The following COLEC10 variants were observed in gnomAD, a reference collection of about 807,000 sequenced individuals.
COLEC10 encodes the protein collectin-10.
COLEC10 carries 22 observed loss-of-function variants against 28.4 expected under a neutral mutation model. That is an observed-to-expected ratio of 0.78 (90% CI 0.55 to 1.11). The LOEUF (loss-of-function observed/expected upper bound fraction) is 1.11. Ranked by LOEUF, COLEC10 falls within the 50% of genes least tolerant of loss-of-function variation. The probability of loss-of-function intolerance (pLI) is 0.00; values close to 1 mark genes in which losing one functional copy is unlikely to be tolerated. For missense variants in COLEC10, 361 were observed against 344.1 expected, an observed-to-expected ratio of 1.05 and a Z score of -0.39; for synonymous variants, 125 against 116.1, an observed-to-expected ratio of 1.08 and a Z score of -0.49.
At chr8:119,080,311 G>A (rs1388642889) in intron 1 of COLEC10, among the ~76,000 whole-genome samples, 3 of 152,128 alleles carry the variant, frequency 2.0e-5, no homozygotes, top group Non-Finnish European at 4.4e-5. Context: ...ATTGGCCAAC[G>A]AACAAACAAG....
Position 119,106,247 on chromosome 8 carries a change from T to G in COLEC10, c.*56T>G. ...CTGTGACCGTCATTACAGTTATTGT[T>G]ATCCATCCTTTTTTTCCTGATTGTA... is the stretch of plus-strand genomic sequence containing the variant. On this transcript the variant is annotated 3_prime_UTR_variant, in exon 6 of 6. Coordinates refer to ENST00000332843, the MANE Select transcript of COLEC10 (RefSeq NM_006438.5). 6.6e-7 allele frequency: 1 copy of G among 1,518,918 alleles called. No homozygotes were observed. The highest frequency in any genetic ancestry group is 1.3e-5 in the South Asian group (1 of 78,292). The allele number at this position is 1,518,918 out of a possible 1,614,324, so 94.1% of individuals were successfully genotyped here. A position where few individuals can be genotyped will look rare whatever the true frequency, so the allele number is the denominator to read the frequency against.
intron 2 of COLEC10, among the ~76,000 whole-genome samples, chr8:119,026,547 C>T (rs929660962): frequency 1.3e-5 from 2 of 152,054 alleles, no homozygotes; most frequent in Non-Finnish European, 2.9e-5. Flanking sequence ...CAAAAACAAC[C>T]ATGGTTTTAG....
At chr8:119,040,645 T>C (rs542178049) in intron 2 of COLEC10, among the ~76,000 whole-genome samples, 2 of 152,298 alleles carry the variant, frequency 1.3e-5, no homozygotes, top group African/African-American at 4.8e-5. Context: ...TTGGGTCCTT[T>C]GCAGGAAGAC....
intron 3 of COLEC10, among the ~76,000 whole-genome samples, chr8:119,092,066 ATTTTT>A (rs34152820): frequency 8.0e-6 from 1 of 124,468 alleles, no homozygotes; most frequent in Non-Finnish European, 1.7e-5. Flanking sequence ...TCTTGTCCTA[ATTTTT>A]TTTTTTTTTT....
At chr8:119,027,272 T>C (rs1288524788) in intron 2 of COLEC10, among the ~76,000 whole-genome samples, 1 of 152,166 alleles carries the variant, frequency 6.6e-6, no homozygotes, top group Non-Finnish European at 1.5e-5. Context: ...TCAAAAGATA[T>C]AACCTTGGAC....
chr8:119,043,199 T>C (rs998452736), intron 2 of COLEC10, among the ~76,000 whole-genome samples: 2 of 152,218 alleles, frequency 1.3e-5, no homozygotes, highest in Admixed American at 1.3e-4. Flanking sequence ...TGTTTCTGTT[T>C]CTTATCCACC....
chr8:119,089,681 A>G lies in COLEC10; in HGVS notation c.150A>G (p.Gly50=). The G allele has an allele frequency of 6.2e-7, 1 of 1,612,704 alleles. No individual in the cohort carries two copies. The highest frequency in any genetic ancestry group is 8.5e-7 in the Non-Finnish European group (1 of 1,178,928). Reference sequence around the variant, plus strand: ...CTATCTCATTTTCTGTTTCAAAAGGAGATGATGGTGAAAAAGGAGATCCAG... The same window carrying G: ...CTATCTCATTTTCTGTTTCAAAAGGGGATGATGGTGAAAAAGGAGATCCAG... ...ATHTISPGPK[G]DDGEKGDPGE... The change falls in exon 2 of 6, where the codon GGA becomes GGG. Residue 50 remains glycine, a splice_region_variant and synonymous_variant. Coordinates refer to ENST00000332843, the MANE Select transcript of COLEC10 (RefSeq NM_006438.5).
the COLEC10 span, among the ~76,000 whole-genome samples, chr8:118,955,455 T>C: frequency 6.6e-6 from 1 of 152,204 alleles, no homozygotes; most frequent in African/African-American, 2.4e-5. Flanking sequence ...TAGGGGTAAG[T>C]AGTTGCTACT....
intron 1 of COLEC10, among the ~76,000 whole-genome samples, chr8:119,076,601 C>G (rs1815242815): frequency 6.6e-6 from 1 of 152,202 alleles, no homozygotes; most frequent in South Asian, 2.1e-4. Context: ...TTATTATTAT[C>G]TGCATTCAAG....
At chr8:119,049,401 CTTTTTTTTTTTTTTT>C (rs34885340) in intron 2 of COLEC10, among the ~76,000 whole-genome samples, 9 of 60,072 alleles carry the variant, frequency 1.5e-4, no homozygotes, top group East Asian at 1.3e-3. Context: ...ATTTTCTTTT[CTTTTTTTTTTTTTTT>C]TTTTTTTTTT....
At chr8:118,999,974 T>C (rs1329334951) in intron 1 of COLEC10, among the ~76,000 whole-genome samples, 1 of 152,116 alleles carries the variant, frequency 6.6e-6, no homozygotes, top group Admixed American at 6.6e-5. Flanking sequence ...TTTTAAATGA[T>C]AGGTGATATG....
At chr8:118,983,126 T>C in the COLEC10 span, among the ~76,000 whole-genome samples, 351 of 152,310 alleles carry the variant, frequency 2.3e-3, 3 homozygotes, top group African/African-American at 8.1e-3. Context: ...AACTTAGCAG[T>C]ATTTTGGTGT....
chr8:119,056,050 C>A (rs574560691), intron 2 of COLEC10, among the ~76,000 whole-genome samples: 24 of 152,138 alleles, frequency 1.6e-4, no homozygotes, highest in African/African-American at 5.3e-4. Flanking sequence ...GTAAATGACA[C>A]CGCATCCAAT....
At chr8:119,034,047 G>GTATAC (rs1326917977) in intron 2 of COLEC10, among the ~76,000 whole-genome samples, 10 of 152,280 alleles carry the variant, frequency 6.6e-5, no homozygotes, top group African/African-American at 2.4e-4. Flanking sequence ...GTACACAATG[G>GTATAC]TATACTATCC....
chr8:118,977,620 G>A, the COLEC10 span, among the ~76,000 whole-genome samples: 1 of 120,530 alleles, frequency 8.3e-6, no homozygotes, highest in African/African-American at 3.2e-5. Context: ...GGAGGGGGGA[G>A]GGATAGCATC....
intron 2 of COLEC10, among the ~76,000 whole-genome samples, chr8:119,016,799 T>G (rs1813999452): frequency 6.6e-6 from 1 of 152,118 alleles, no homozygotes; most frequent in African/African-American, 2.4e-5. Context: ...TCACTGCAAC[T>G]GCCGCCTCCT....
chr8:119,078,762 G>A (rs187741465), intron 1 of COLEC10, among the ~76,000 whole-genome samples: 3 of 152,240 alleles, frequency 2.0e-5, no homozygotes, highest in Admixed American at 1.3e-4. Flanking sequence ...CATAGACTGA[G>A]ATGTTGGTAT....
At chr8:119,042,175 T>C (rs1563725618) in intron 2 of COLEC10, among the ~76,000 whole-genome samples, 1 of 150,778 alleles carries the variant, frequency 6.6e-6, no homozygotes, top group Non-Finnish European at 1.5e-5. Flanking sequence ...TTTTTGTATT[T>C]TTAGTAGAGA....
intron 3 of COLEC10, among the ~76,000 whole-genome samples, chr8:119,098,135 T>TCTAGATTTTGCACTTCC (rs1488437212): frequency 2.0e-5 from 3 of 152,052 alleles, no homozygotes; most frequent in African/African-American, 7.2e-5. Context: ...TAATGGTCAT[T>TCTAGATTTTGCACTTCC]CTAGATTTTG....
Sources: gnomAD v4.1 joint callset for allele counts (sites outside exome capture counted in the v4.1 genomes callset) on GRCh38, gnomAD v4.1.1 for gene constraint, MANE v1.5 for transcripts, NCBI Gene and HGNC (gene_info 2026-07-23, HGNC 2026-07-21) for gene names.